Variants in RGS10 observed in about 807,000 individuals in gnomAD.
RGS10 encodes the protein regulator of G protein signaling 10.
Under a neutral mutation model 23.5 loss-of-function variants are expected in RGS10, and 11 were observed. The ratio of observed to expected loss-of-function variants is 0.47; its 90% confidence interval spans 0.29 to 0.77. The LOEUF is 0.77. Ranked by LOEUF, RGS10 falls within the 30% of genes least tolerant of loss-of-function variation. The probability of loss-of-function intolerance (pLI) is 0.08; values close to 1 mark genes in which losing one functional copy is unlikely to be tolerated. For synonymous variants in RGS10, 77 were observed against 83.2 expected (o/e 0.92, Z 0.41); for missense variants, 180 against 226.3 (o/e 0.80, Z 1.31).
At chr10:119,502,431 C>A (rs116870185) in intron 4 of RGS10, among the ~76,000 whole-genome samples, 1 of 152,330 alleles carries the variant, frequency 6.6e-6, no homozygotes, top group Non-Finnish European at 1.5e-5. Flanking sequence ...CCCAGGTCCA[C>A]GCAGATGGGA....
chr10:119,516,153 G>A (rs1844140828), intron 3 of RGS10, among the ~76,000 whole-genome samples: 1 of 151,962 alleles, frequency 6.6e-6, no homozygotes, highest in South Asian at 2.1e-4. Context: ...TCAGGAGGCT[G>A]AGGCAGGAGA....
Position 119,524,400 on chromosome 10 carries a change from G to A in RGS10, c.255+1632C>T, listed in dbSNP as rs79297703. ...ACTTCCTTGTCTACACTGCAGGGGCGGACCGGCCCACCCACAGGCCCCTCC... is the reference window on the plus strand; with the variant it reads ...ACTTCCTTGTCTACACTGCAGGGGCAGACCGGCCCACCCACAGGCCCCTCC... On this transcript the variant is annotated intron_variant, in intron 3 of 4. Transcript: ENST00000369103. The surrounding 1 kb of genome is among the most constrained non-coding windows in gnomAD (Gnocchi z 5.2). 1.1e-3 allele frequency among the ~76,000 whole-genome samples: 175 copies of A among 152,238 alleles called. 1 individual carries two copies. The East Asian group carries it at 0.03, about 26-fold the overall frequency.
At chr10:119,535,270 A>AG (rs1015839009) in intron 1 of RGS10, among the ~76,000 whole-genome samples, 13 of 110,540 alleles carry the variant, frequency 1.2e-4, no homozygotes, top group East Asian at 2.2e-4. Context: ...CAATCCATGC[A>AG]GAAAAAAAAA....
intron 1 of RGS10, among the ~76,000 whole-genome samples, chr10:119,533,310 TGACA>T (rs1844351328): frequency 2.0e-5 from 3 of 151,210 alleles, no homozygotes; most frequent in African/African-American, 7.3e-5. Context: ...CCAGCCTGGG[TGACA>T]GAGAGAGACT....
chr10:119,527,738 A>G lies in RGS10; in HGVS notation c.50-314T>C, dbSNP rs3009922. On this transcript the variant is annotated intron_variant, in intron 1 of 4. Coordinates refer to ENST00000369103, the MANE Select transcript of RGS10 (RefSeq NM_001005339.2). This position sits in a 1 kb window ranked among gnomAD's most constrained non-coding sequence, Gnocchi z 4.2. ...CCAATTCAGAGGCAGCCCTCAAGTC[A>G]CACTCAAACCCTCCTCCAAGAGAAC... Among the ~76,000 whole-genome samples the G allele has an allele frequency of 0.99, 151,243 of 152,246 alleles. 75,128 individuals carry two copies. Among genetic ancestry groups the G allele is most frequent in the Middle Eastern group, 1 (294 of 294 alleles).
chr10:119,505,258 C>T (rs3009910), intron 4 of RGS10, among the ~76,000 whole-genome samples: 75 of 151,690 alleles, frequency 4.9e-4, no homozygotes, highest in Middle Eastern at 3.4e-3. Context: ...GGCCACCATC[C>T]GTCCAACAAA....
chr10:119,509,897 A>G (rs764740650), intron 4 of RGS10, among the ~76,000 whole-genome samples: 3 of 151,172 alleles, frequency 2.0e-5, no homozygotes. Context: ...ATGCACTGTG[A>G]TAACAGTGAT....
chr10:119,530,361 A>C (rs943293097), intron 1 of RGS10, among the ~76,000 whole-genome samples: 4 of 152,142 alleles, frequency 2.6e-5, no homozygotes, highest in Non-Finnish European at 5.9e-5. Flanking sequence ...AACTACCAGG[A>C]TTTTAGACAT....
chr10:119,516,139 C>T (rs566733871), intron 3 of RGS10, among the ~76,000 whole-genome samples: 2 of 151,864 alleles, frequency 1.3e-5, no homozygotes, highest in Admixed American at 6.6e-5. Context: ...GTAATCTCAG[C>T]TACTCAGGAG....
chr10:119,510,332 C>T (rs1023097946), intron 4 of RGS10, among the ~76,000 whole-genome samples: 22 of 152,240 alleles, frequency 1.4e-4, no homozygotes, highest in Admixed American at 1.2e-3. Context: ...GACCCCCTAA[C>T]GCACCTGCTG....
At chr10:119,541,124 G>T (rs914951294) in intron 1 of RGS10, among the ~76,000 whole-genome samples, 45 of 152,214 alleles carry the variant, frequency 3.0e-4, no homozygotes, top group Admixed American at 2.8e-3. Context: ...CTGAAACGGA[G>T]GCACAGAGAG....
rs368022910 is a variant in RGS10 at position 119,534,060 on chromosome 10, G to T, written c.50-6636C>A. Among the ~76,000 whole-genome samples, 156 of 150,344 alleles carry T rather than the reference G, an allele frequency of 1.0e-3. 3 individuals carry two copies. In the South Asian group the frequency reaches 0.014, roughly 13 times the overall value. Reference sequence around the variant, plus strand: ...ACTTGAGGCCAGGCATTCAAGACCAGCCTGGGCAACATGGCAAAACCACGT... The same window carrying T: ...ACTTGAGGCCAGGCATTCAAGACCATCCTGGGCAACATGGCAAAACCACGT... On this transcript the variant is annotated intron_variant, in intron 1 of 4. Coordinates refer to ENST00000369103, the MANE Select transcript of RGS10 (RefSeq NM_001005339.2).
chr10:119,541,132 G>A (rs989672685), intron 1 of RGS10, among the ~76,000 whole-genome samples: 1 of 152,198 alleles, frequency 6.6e-6, no homozygotes, highest in African/African-American at 2.4e-5. Flanking sequence ...GAGGCACAGA[G>A]AGATCAAGTA....
chr10:119,525,632 C>T (rs1844265586), intron 3 of RGS10, among the ~76,000 whole-genome samples: 3 of 152,338 alleles, frequency 2.0e-5, no homozygotes, highest in Non-Finnish European at 2.9e-5. Flanking sequence ...GTACGATACA[C>T]TGAATAATTG....
At chr10:119,507,579 CTTTTTT>C (rs35699150) in intron 4 of RGS10, among the ~76,000 whole-genome samples, 1 of 64,394 alleles carries the variant, frequency 1.6e-5, no homozygotes. Context: ...TCACCCAAGG[CTTTTTT>C]TTTTTTTTTT....
chr10:119,500,554 T>C (rs1219235694), intron 4 of RGS10, among the ~76,000 whole-genome samples: 1 of 151,754 alleles, frequency 6.6e-6, no homozygotes, highest in Non-Finnish European at 1.5e-5. Context: ...TACCAAGAAG[T>C]CCTTCAAGAC....
At chr10:119,515,420 G>A (rs1844130663) in intron 4 of RGS10, 89 bp downstream of exon 4, 2 of 1,502,956 alleles carry the variant, frequency 1.3e-6, no homozygotes, top group Non-Finnish European at 1.8e-6. Context: ...TTTCCAGGGA[G>A]TCTAACATCG....
intron 4 of RGS10, among the ~76,000 whole-genome samples, chr10:119,506,766 T>A (rs1235938267): frequency 6.6e-6 from 1 of 152,154 alleles, no homozygotes; most frequent in Non-Finnish European, 1.5e-5. Context: ...AGCGGCGCGA[T>A]CTCAGCTCAC....
At chr10:119,540,235 T>C (rs1844424261) in intron 1 of RGS10, among the ~76,000 whole-genome samples, 1 of 152,120 alleles carries the variant, frequency 6.6e-6, no homozygotes, top group Non-Finnish European at 1.5e-5. Context: ...TCCTTCCTTT[T>C]TTCTTCCTTC....
Sources: gnomAD v4.1 joint callset for allele counts (sites outside exome capture counted in the v4.1 genomes callset) on GRCh38, gnomAD v4.1.1 for gene constraint, Gnocchi (gnomAD v3.1) non-coding constraint, MANE v1.5 for transcripts, NCBI Gene and HGNC (gene_info 2026-07-23, HGNC 2026-07-21) for gene names.